SLC26A5: variants seen among roughly 807,000 people sequenced by gnomAD.
SLC26A5 encodes the protein solute carrier family 26 member 5, also known as prestin.
In SLC26A5, 51 loss-of-function variants were observed where a neutral mutation model predicts 81.0. The ratio of observed to expected loss-of-function variants is 0.63; its 90% confidence interval spans 0.50 to 0.80. SLC26A5 has a LOEUF of 0.80. Among genes scored for constraint, SLC26A5 ranks in the 30% least tolerant of loss-of-function variants. The probability of loss-of-function intolerance (pLI) is 0.00; values close to 1 mark genes in which losing one functional copy is unlikely to be tolerated. For missense variants in SLC26A5, 771 were observed against 905.8 expected (o/e 0.85, Z 1.91); for synonymous variants, 325 against 332.8 (o/e 0.98, Z 0.25).
intron 8 of SLC26A5, among the ~76,000 whole-genome samples, chr7:103,402,654 C>A (rs949559069): frequency 7.9e-5 from 12 of 152,222 alleles, no homozygotes; most frequent in African/African-American, 2.9e-4. Flanking sequence ...CTGCCTCGGC[C>A]TCCCAAAGTG....
intron 14 of SLC26A5, among the ~76,000 whole-genome samples, chr7:103,381,721 A>G (rs1273816251): frequency 6.6e-6 from 1 of 151,534 alleles, no homozygotes; most frequent in Non-Finnish European, 1.5e-5. Context: ...CATGCCACAC[A>G]CAATACCATA....
chr7:103,411,605 A>AAG lies in SLC26A5; in HGVS notation c.404-21_404-20dup. ...AAAGGACCTGAAATAATGAAGCATG[A>AAG]AGATCCCTGTTCAGGGTTCAGAGTA... On this transcript the variant is annotated intron_variant, in intron 5 of 19. Coordinates refer to ENST00000306312, the MANE Select transcript of SLC26A5 (RefSeq NM_198999.3). The AAG allele has an allele frequency of 6.2e-7, 1 of 1,614,058 alleles. No homozygotes were observed. Among genetic ancestry groups the AAG allele is most frequent in the Non-Finnish European group, 8.5e-7 (1 of 1,179,926 alleles).
chr7:103,405,076 A>G (rs1372157928), intron 8 of SLC26A5, among the ~76,000 whole-genome samples: 4 of 152,082 alleles, frequency 2.6e-5, no homozygotes, highest in African/African-American at 9.7e-5. Context: ...CTAGTTAGCA[A>G]TTCCTCTAAC....
At chr7:103,394,950 C>T (rs1822966234) in intron 9 of SLC26A5, among the ~76,000 whole-genome samples, 2 of 152,176 alleles carry the variant, frequency 1.3e-5, no homozygotes, top group African/African-American at 2.4e-5. Flanking sequence ...GCTGGAGATA[C>T]CACATGTAGA....
At position 103,420,891 on chromosome 7, in the gene SLC26A5, G is replaced by T. The variant is rs767006306; in HGVS notation, c.153-14C>A. ...TTAGGAGTACATCTGAAAGGACAAA[G>T]ACAGACAGAGATAAAGTTATAAATG... On this transcript the variant is annotated splice_polypyrimidine_tract_variant and intron_variant, in intron 3 of 19. Transcript: ENST00000306312. The T allele has an allele frequency of 4.1e-5, 66 of 1,596,282 alleles. 1 individual carries two copies. In the South Asian group the frequency reaches 7.1e-4, roughly 17 times the overall value.
At chr7:103,441,803 G>A (rs1371259548) in intron 2 of SLC26A5, among the ~76,000 whole-genome samples, 1 of 152,224 alleles carries the variant, frequency 6.6e-6, no homozygotes, top group African/African-American at 2.4e-5. Context: ...TGCAAAGTCA[G>A]CAAAGCATTG....
intron 7 of SLC26A5, 123 bp from the exon 8 acceptor site, chr7:103,408,126 A>G: frequency 7.6e-7 from 1 of 1,320,250 alleles, no homozygotes; most frequent in Non-Finnish European, 1.1e-6. Flanking sequence ...GGAAAGTTCC[A>G]AGGCTGAAAT....
In SLC26A5 at chr7:103,421,383, A is replaced by T; in HGVS notation, c.132T>A (p.Asp44Glu). 6.2e-7 allele frequency: 1 copy of T among 1,614,126 alleles called. No individual in the cohort carries two copies. Among genetic ancestry groups the T allele is most frequent in the Non-Finnish European group, 8.5e-7 (1 of 1,179,986 alleles). The change falls in exon 3 of 20, where the codon GAT (aspartate) becomes GAA (glutamate). Residue 44 changes from aspartate (D) to glutamate (E), a missense_variant. Asp to Glu is a conservative substitution (Grantham distance 45). Transcript: ENST00000306312. The part of the protein sequence containing the change: ...TKDKVPDSIA[D>E]KLKQAFTCTP... Reference sequence around the variant, plus strand: ...CGTACGTGAATGCCTGTTTCAGCTTATCCGCAATGGAATCAGGAACCTTGT... The same window carrying T: ...CGTACGTGAATGCCTGTTTCAGCTTTTCCGCAATGGAATCAGGAACCTTGT...
chr7:103,413,115 G>A lies in SLC26A5; in HGVS notation c.293-3C>T, dbSNP rs758892681. 4 of 1,606,620 alleles carry A rather than the reference G, an allele frequency of 2.5e-6. No individual in the cohort carries two copies. The highest frequency in any genetic ancestry group is 3.4e-6 in the Non-Finnish European group (4 of 1,173,474). ...TGCCAGCATTGCAAAGGCTAAGCCTGTGGGATTAAAAACCAAACAGAAATG... is the reference window on the plus strand; with the variant it reads ...TGCCAGCATTGCAAAGGCTAAGCCTATGGGATTAAAAACCAAACAGAAATG... On this transcript the variant is annotated splice_region_variant and splice_polypyrimidine_tract_variant and intron_variant, in intron 4 of 19. Coordinates refer to ENST00000306312, the MANE Select transcript of SLC26A5 (RefSeq NM_198999.3).
intron 19 of SLC26A5, among the ~76,000 whole-genome samples, chr7:103,362,983 G>A (rs1486762016): frequency 8.6e-5 from 13 of 151,886 alleles, no homozygotes; most frequent in Non-Finnish European, 1.6e-4. Context: ...TAGTAGAGAC[G>A]GTGTTTCACC....
At chr7:103,427,496 A>C (rs1333285277) in intron 2 of SLC26A5, among the ~76,000 whole-genome samples, 2 of 152,200 alleles carry the variant, frequency 1.3e-5, no homozygotes, top group African/African-American at 4.8e-5. Flanking sequence ...TGCAAAACAC[A>C]AACCCTGTCT....
At position 103,421,551 on chromosome 7, in the gene SLC26A5, G is replaced by C. The variant is rs1405316377; in HGVS notation, c.-37C>G. On this transcript the variant is annotated 5_prime_UTR_variant, in exon 3 of 20. Coordinates refer to ENST00000306312, the MANE Select transcript of SLC26A5 (RefSeq NM_198999.3). Reference sequence around the variant, plus strand: ...ATTATTCCTTAACAGCCGGAGACAAGCATTTCCTGAGTGTCACTAGGGGAA... The same window carrying C: ...ATTATTCCTTAACAGCCGGAGACAACCATTTCCTGAGTGTCACTAGGGGAA... 6.2e-7 allele frequency: 1 copy of C among 1,610,092 alleles called. No individual in the cohort carries two copies. The highest frequency in any genetic ancestry group is 1.3e-5 in the African/African-American group (1 of 74,842).
chr7:103,361,194 G>A (rs1332937636), intron 19 of SLC26A5, among the ~76,000 whole-genome samples: 1 of 148,396 alleles, frequency 6.7e-6, no homozygotes, highest in African/African-American at 2.5e-5. Context: ...AATAAAAATG[G>A]ATTTAAAGTC....
At chr7:103,420,694 T>C (rs1386858072) in intron 4 of SLC26A5, 44 bp downstream of exon 4, 11 of 1,611,794 alleles carry the variant, frequency 6.8e-6, no homozygotes, top group Non-Finnish European at 9.3e-6. Flanking sequence ...GTCAAGCAAT[T>C]GTTTGAGGAC....
At chr7:103,408,379 G>A (rs1586311120) in intron 7 of SLC26A5, among the ~76,000 whole-genome samples, 5 of 151,802 alleles carry the variant, frequency 3.3e-5, no homozygotes, top group East Asian at 1.9e-4. Context: ...GGTGCCTGCC[G>A]CCACACCCAG....
chr7:103,398,123 A>G (rs189857960), intron 8 of SLC26A5, 109 bp from the exon 9 acceptor site: 10 of 864,424 alleles, frequency 1.2e-5, no homozygotes, highest in African/African-American at 1.7e-5. Flanking sequence ...CACTTTTAAC[A>G]TTCAGATTTA....
chr7:103,408,149 C>T (rs1824206196), intron 7 of SLC26A5, 146 bp from the exon 8 acceptor site: 3 of 1,067,788 alleles, frequency 2.8e-6, no homozygotes, highest in South Asian at 1.4e-5. Flanking sequence ...CTCTTTGTAG[C>T]TTCTACCAAT....
At chr7:103,363,430 A>G in intron 19 of SLC26A5, 1 of 1,609,246 alleles carries the variant, frequency 6.2e-7, no homozygotes, top group African/African-American at 1.3e-5. Context: ...TTGAAACCCC[A>G]TTACTTCATG....
rs904108503 is a variant in SLC26A5, at chr7:103,357,878, C to T, written c.2042-4952G>A. Among the ~76,000 whole-genome samples, 15 of 152,326 alleles carry T rather than the reference C, an allele frequency of 9.8e-5. No homozygotes were observed. In the South Asian group the frequency reaches 3.1e-3, roughly 32 times the overall value. On this transcript the variant is annotated intron_variant, in intron 19 of 19. Coordinates refer to the SLC26A5 transcript ENST00000339444. ...TGCATTAGATCTGTTCGTTTTCTCT[C>T]AGTTATACCTTAGTTGCATCTGGTG...
Sources: gnomAD v4.1 joint callset for allele counts (sites outside exome capture counted in the v4.1 genomes callset) on GRCh38, gnomAD v4.1.1 for gene constraint, MANE v1.5 for transcripts, NCBI Gene and HGNC (gene_info 2026-07-23, HGNC 2026-07-21) for gene names.